PLCXD3: variants seen among roughly 807,000 people sequenced by gnomAD.
The protein encoded by PLCXD3 is phosphatidylinositol specific phospholipase C X domain containing 3.
PLCXD3 carries 19 observed loss-of-function variants against 25.5 expected under a neutral mutation model. The observed-to-expected ratio is 0.75, with a 90% CI of 0.52 to 1.09. The LOEUF is 1.09. PLCXD3 is among the 50% of genes least tolerant of loss of function. The probability of loss-of-function intolerance (pLI) is 0.00; values close to 1 mark genes in which losing one functional copy is unlikely to be tolerated. For missense variants in PLCXD3, 411 were observed against 388.1 expected (o/e 1.06, Z -0.50); for synonymous variants, 174 against 137.6 (o/e 1.26, Z -1.85).
intron 1 of PLCXD3, among the ~76,000 whole-genome samples, chr5:41,393,411 C>T (rs1370533904): frequency 6.6e-6 from 1 of 152,142 alleles, no homozygotes; most frequent in Non-Finnish European, 1.5e-5. Flanking sequence ...AGTGGCATAA[C>T]ATATTTAAAG....
Position 41,382,233 on chromosome 5 carries a change from G to A in PLCXD3, c.405C>T (p.His135=). Residue 135 remains histidine, a synonymous_variant, in exon 2 of 3, where the codon CAC becomes CAT. Transcript: ENST00000377801. ...AGTCCAAGAACACTACCTCCTTATG[G>A]TGATCTGTGAGGAATGCATTGATCT... ...LEEINAFLTD[H]HKEVVFLDFN... is the part of the protein sequence containing the mutation. 1.9e-6 allele frequency: 3 copies of A among 1,613,702 alleles called. No homozygotes were observed. The highest frequency in any genetic ancestry group is 1.7e-6 in the Non-Finnish European group (2 of 1,179,790).
intron 1 of PLCXD3, among the ~76,000 whole-genome samples, chr5:41,394,209 A>G (rs940948289): frequency 6.6e-6 from 1 of 152,188 alleles, no homozygotes; most frequent in African/African-American, 2.4e-5. Context: ...TGTAAATTGT[A>G]TTAAGTTGTT....
chr5:41,474,842 G>A (rs1748245666), intron 1 of PLCXD3, among the ~76,000 whole-genome samples: 2 of 152,126 alleles, frequency 1.3e-5, no homozygotes, highest in African/African-American at 2.4e-5. Context: ...TGTTGGCAAA[G>A]GTCCCCAAAT....
chr5:41,510,519 G>T lies in PLCXD3; in HGVS notation c.8C>A (p.Ser3Ter). 1.2e-6 allele frequency: 2 copies of T among 1,612,910 alleles called. No individual in the cohort carries two copies. Among genetic ancestry groups the T allele is most frequent in the East Asian group, 2.2e-5 (1 of 44,716 alleles). The change falls in exon 1 of 3, where the codon TCG (serine) becomes TAG (stop). Residue 3 changes from serine to a stop codon, truncating the protein, a stop_gained. Transcript: ENST00000377801. LOFTEE classifies it high-confidence loss of function. Reference sequence around the variant, plus strand: ...TTTCAGCTCGTTTTTCCCCTGAGACGAGGCCATCGTGCCAGTCGGCGTGCA... The same window carrying T: ...TTTCAGCTCGTTTTTCCCCTGAGACTAGGCCATCGTGCCAGTCGGCGTGCA... The part of the protein sequence containing the change: MA[S>*]SQGKNELKLA...
intron 1 of PLCXD3, among the ~76,000 whole-genome samples, chr5:41,403,830 G>A (rs1448366959): frequency 6.7e-6 from 1 of 149,840 alleles, no homozygotes; most frequent in Non-Finnish European, 1.5e-5. Context: ...TTGGTTCCAA[G>A]TCTTTGCTAT....
In PLCXD3 at chr5:41,383,508, T is replaced by C. The variant is rs543275614; in HGVS notation, c.104-974A>G. 1.4e-4 allele frequency among the ~76,000 whole-genome samples: 22 copies of C among 152,252 alleles called. No individual in the cohort carries two copies. In the South Asian group the frequency reaches 4.6e-3, roughly 32 times the overall value. Reference sequence around the variant, plus strand: ...TTATGTCAAGGTTGCATTTTATTTCTTAAAGCCTCCTTTTATTCTTAGGCA... The same window carrying C: ...TTATGTCAAGGTTGCATTTTATTTCCTAAAGCCTCCTTTTATTCTTAGGCA... On this transcript the variant is annotated intron_variant, in intron 1 of 2. Coordinates refer to ENST00000377801, the MANE Select transcript of PLCXD3 (RefSeq NM_001005473.3).
intron 1 of PLCXD3, among the ~76,000 whole-genome samples, chr5:41,493,733 T>C (rs1016100690): frequency 6.6e-6 from 1 of 152,314 alleles, no homozygotes. Context: ...TTTAGGACCC[T>C]CCGAGCCAGG....
chr5:41,325,751 T>C (rs1438096068), intron 2 of PLCXD3, among the ~76,000 whole-genome samples: 1 of 152,212 alleles, frequency 6.6e-6, no homozygotes, highest in African/African-American at 2.4e-5. Flanking sequence ...TTTTATGGTA[T>C]AAGACTGTCT....
At chr5:41,371,494 A>G (rs1284457673) in intron 2 of PLCXD3, among the ~76,000 whole-genome samples, 1 of 152,100 alleles carries the variant, frequency 6.6e-6, no homozygotes, top group African/African-American at 2.4e-5. Flanking sequence ...GAAATATCCA[A>G]ATATAGACTT....
chr5:41,390,709 C>A (rs185853388), intron 1 of PLCXD3, among the ~76,000 whole-genome samples: 1 of 151,928 alleles, frequency 6.6e-6, no homozygotes, highest in Admixed American at 6.6e-5. Flanking sequence ...TAGTTAATAA[C>A]TATCTACACA....
At chr5:41,328,605 G>A (rs1743700237) in intron 2 of PLCXD3, among the ~76,000 whole-genome samples, 2 of 152,066 alleles carry the variant, frequency 1.3e-5, no homozygotes, top group Admixed American at 6.6e-5. Flanking sequence ...AGGTCTCAAA[G>A]CCCCTCTGGA....
chr5:41,343,384 A>G lies in PLCXD3; in HGVS notation c.813-29614T>C, dbSNP rs151120005. Among the ~76,000 whole-genome samples the G allele has an allele frequency of 3.6e-3, 549 of 152,318 alleles. 3 individuals are homozygous for G. The highest frequency in any genetic ancestry group is 0.012 in the African/African-American group (512 of 41,572). On this transcript the variant is annotated intron_variant, in intron 2 of 2. Coordinates refer to ENST00000377801, the MANE Select transcript of PLCXD3 (RefSeq NM_001005473.3). ...ATCTCTTTTACATAAACAGAAAAAAAATCAATCCAAAGGCAAAGAAATCAT... is the reference window on the plus strand; with the variant it reads ...ATCTCTTTTACATAAACAGAAAAAAGATCAATCCAAAGGCAAAGAAATCAT...
chr5:41,456,771 G>A (rs896274686), intron 1 of PLCXD3, among the ~76,000 whole-genome samples: 1 of 151,828 alleles, frequency 6.6e-6, no homozygotes, highest in African/African-American at 2.4e-5. Context: ...CAAAAAGACA[G>A]CCATCTATCA....
At chr5:41,354,787 G>T (rs561076457) in intron 2 of PLCXD3, among the ~76,000 whole-genome samples, 1 of 152,222 alleles carries the variant, frequency 6.6e-6, no homozygotes, top group Non-Finnish European at 1.5e-5. Context: ...ATCCAAATCT[G>T]ATCATGTTAG....
chr5:41,348,684 C>T (rs1744370120), intron 2 of PLCXD3, among the ~76,000 whole-genome samples: 1 of 151,886 alleles, frequency 6.6e-6, no homozygotes, highest in Non-Finnish European at 1.5e-5. Context: ...ATTGCAAGAC[C>T]ATCGGGCCAG....
At chr5:41,369,783 A>G (rs1745040025) in intron 2 of PLCXD3, among the ~76,000 whole-genome samples, 1 of 152,154 alleles carries the variant, frequency 6.6e-6, no homozygotes, top group South Asian at 2.1e-4. Context: ...CCAGCCAACT[A>G]ATAGCTTTTG....
chr5:41,331,366 C>T (rs1422405917), intron 2 of PLCXD3, among the ~76,000 whole-genome samples: 1 of 152,118 alleles, frequency 6.6e-6, no homozygotes, highest in East Asian at 1.9e-4. Context: ...AATAAAATAC[C>T]TAGGAATCCA....
chr5:41,329,935 A>C (rs560728983), intron 2 of PLCXD3, among the ~76,000 whole-genome samples: 33 of 151,826 alleles, frequency 2.2e-4, no homozygotes, highest in African/African-American at 7.2e-4. Context: ...GTGTATATAT[A>C]ATACCTTTAT....
At position 41,428,374 on chromosome 5, in the gene PLCXD3, G is replaced by GTTTTTTTTTT. The variant is rs373244601; in HGVS notation, c.104-45841_104-45840insAAAAAAAAAA. Among the ~76,000 whole-genome samples, 4 of 91,598 alleles carry GTTTTTTTTTT rather than the reference G, an allele frequency of 4.4e-5. 1 individual carries two copies. The highest frequency in any genetic ancestry group is 4.0e-5 in the African/African-American group (1 of 25,294). The allele number at this position is 91,598 out of a possible 152,430, so 60.1% of individuals were successfully genotyped here. A position where few individuals can be genotyped will look rare whatever the true frequency, so the allele number is the denominator to read the frequency against. ...TAAAGAGGTGATTAAGTTAAAATGA[G>GTTTTTTTTTT]TTTTTTTGTTTTTGTTTTTGTTTTT... On this transcript the variant is annotated intron_variant, in intron 1 of 2. Transcript: ENST00000377801.
Sources: gnomAD v4.1 joint callset for allele counts (sites outside exome capture counted in the v4.1 genomes callset) on GRCh38, gnomAD v4.1.1 for gene constraint, MANE v1.5 for transcripts, NCBI Gene and HGNC (gene_info 2026-07-23, HGNC 2026-07-21) for gene names.